FAM193A: variants seen among roughly 807,000 people sequenced by gnomAD.
The protein encoded by FAM193A is protein FAM193A.
Under a neutral mutation model 126.5 loss-of-function variants are expected in FAM193A, and 22 were observed. That is an observed-to-expected ratio of 0.17 (90% CI 0.12 to 0.25). The LOEUF (loss-of-function observed/expected upper bound fraction) is 0.25, where lower values mean the gene tolerates loss of function less well. Among genes scored for constraint, FAM193A ranks in the 10% least tolerant of loss-of-function variants. The pLI is 1.00. For synonymous variants in FAM193A, 761 were observed against 646.8 expected (o/e 1.18, Z -2.68); for missense variants, 1,675 against 1,672.8 (o/e 1.00, Z -0.02).
intron 12 of FAM193A, among the ~76,000 whole-genome samples, chr4:2,668,838 TTC>T (rs1262337186): frequency 6.6e-6 from 1 of 151,892 alleles, no homozygotes; most frequent in East Asian, 1.9e-4. Context: ...TCCTTTTCTT[TTC>T]CTTTTTCTTT....
At position 2,676,479 on chromosome 4, in the gene FAM193A, C is replaced by G. The variant is rs764582734; in HGVS notation, c.2331+4107C>G. 7.2e-5 allele frequency among the ~76,000 whole-genome samples: 11 copies of G among 152,202 alleles called. 1 individual carries two copies. The South Asian group carries it at 2.3e-3, about 32-fold the overall frequency. ...TCGTATATCTTCTTTGGAGAAACAT[C>G]TATTCAAGTCCTTTGCTCGTTTTTG... is the stretch of plus-strand genomic sequence containing the variant. On this transcript the variant is annotated intron_variant, in intron 13 of 20. Transcript: ENST00000637812.
chr4:2,595,014 A>T, intron 1 of FAM193A, among the ~76,000 whole-genome samples: 1 of 149,790 alleles, frequency 6.7e-6, no homozygotes. Flanking sequence ...TTTTAATAGA[A>T]ACAGGGTTTC....
intron 19 of FAM193A, among the ~76,000 whole-genome samples, chr4:2,714,708 T>C (rs576282231): frequency 5.9e-5 from 9 of 152,190 alleles, no homozygotes; most frequent in Non-Finnish European, 5.9e-5. Context: ...GCTGCTATTA[T>C]GCGAGTAAAA....
rs761482585 is a variant in FAM193A at position 2,639,707 on chromosome 4, T to A, written c.1039-28T>A. 6 of 1,596,966 alleles carry A rather than the reference T, an allele frequency of 3.8e-6. No individual in the cohort carries two copies. The East Asian group carries it at 1.1e-4, about 30-fold the overall frequency. On this transcript the variant is annotated intron_variant, in intron 5 of 20. Coordinates refer to ENST00000637812, the MANE Select transcript of FAM193A (RefSeq NM_001366318.2). ...GTCTTTAGCAATTCACTACATCTTC[T>A]GTTTATCTTTTACTTTTTCTTAACC... is the stretch of plus-strand genomic sequence containing the variant.
intron 1 of FAM193A, among the ~76,000 whole-genome samples, chr4:2,581,250 T>C (rs1739915474): frequency 7.0e-6 from 1 of 143,388 alleles, no homozygotes; most frequent in Admixed American, 6.9e-5. Context: ...ATATTTTCTT[T>C]CTTTCTTTTT....
chr4:2,610,419 G>A (rs1346652457), intron 2 of FAM193A, among the ~76,000 whole-genome samples: 2 of 152,124 alleles, frequency 1.3e-5, no homozygotes, highest in South Asian at 2.1e-4. Context: ...TATTAGAAAC[G>A]TACAGATTTC....
At chr4:2,618,968 G>A (rs983876623) in intron 2 of FAM193A, among the ~76,000 whole-genome samples, 6 of 152,148 alleles carry the variant, frequency 3.9e-5, no homozygotes, top group Non-Finnish European at 7.3e-5. Flanking sequence ...CTGACCTCAG[G>A]TGATCCACCT....
At chr4:2,535,554 C>A (rs545251239), upstream of FAM193A, among the ~76,000 whole-genome samples, 1 of 152,340 alleles carries the variant, frequency 6.6e-6, no homozygotes, top group Admixed American at 6.5e-5. Context: ...CTCCAGGGGG[C>A]GGAGCCGCCG....
At chr4:2,603,760 A>G (rs1482720225) in intron 2 of FAM193A, among the ~76,000 whole-genome samples, 1 of 151,442 alleles carries the variant, frequency 6.6e-6, no homozygotes, top group Non-Finnish European at 1.5e-5. Context: ...AATTTTCATT[A>G]TTTTCTAGTT....
At chr4:2,551,351 AG>A (rs1737906466) in intron 1 of FAM193A, among the ~76,000 whole-genome samples, 1 of 152,372 alleles carries the variant, frequency 6.6e-6, no homozygotes, top group African/African-American at 2.4e-5. Flanking sequence ...GAAATGTTCC[AG>A]TGAATTTTTC....
intron 13 of FAM193A, among the ~76,000 whole-genome samples, chr4:2,678,477 C>A (rs1039480549): frequency 3.9e-5 from 6 of 151,914 alleles, no homozygotes; most frequent in African/African-American, 1.5e-4. Context: ...ATACTCCTGC[C>A]TCAGCCTCCT....
intron 1 of FAM193A, among the ~76,000 whole-genome samples, chr4:2,542,424 G>A (rs1043850968): frequency 1.3e-5 from 2 of 152,312 alleles, no homozygotes; most frequent in Admixed American, 6.5e-5. Context: ...AATTACAGGC[G>A]TGAGCCACTG....
chr4:2,614,578 C>A (rs1742074159), intron 2 of FAM193A, among the ~76,000 whole-genome samples: 1 of 152,160 alleles, frequency 6.6e-6, no homozygotes, highest in Non-Finnish European at 1.5e-5. Flanking sequence ...TTTCTTGTCT[C>A]ACATCTTTGT....
At position 2,690,837 on chromosome 4, in the gene FAM193A, A is replaced by G. The variant is rs759255855; in HGVS notation, c.2670A>G (p.Gln890=). 94 of 1,614,124 alleles carry G rather than the reference A, an allele frequency of 5.8e-5. No individual in the cohort carries two copies. Among genetic ancestry groups the G allele is most frequent in the Middle Eastern group, 1.6e-4 (1 of 6,084 alleles). The change falls in exon 15 of 21, where the codon CAA becomes CAG. Residue 890 remains glutamine (Q), a synonymous_variant. Coordinates refer to ENST00000637812, the MANE Select transcript of FAM193A (RefSeq NM_001366318.2). The stretch of plus-strand genomic sequence containing the variant: ...AAAAGAAATGTTTATACAATTTCCA[A>G]GATGCTTTCATGGAAGCAAATAAAG... The part of the protein sequence containing the change: ...AAKKKCLYNF[Q]DAFMEANKVV...
In FAM193A at chr4:2,731,961, G is replaced by T. The variant is rs1475705024; in HGVS notation, c.*93G>T. 2.1e-6 allele frequency: 2 copies of T among 973,224 alleles called. No individual in the cohort carries two copies. The highest frequency in any genetic ancestry group is 4.8e-5 in the East Asian group (2 of 42,032). 60.3% of individuals were successfully genotyped at this position (973,224 alleles called of 1,614,324 possible). The stretch of plus-strand genomic sequence containing the variant: ...CTCGCTGGCGCCCCAGAGCCGTGGT[G>T]CTTGCCAAGGGCTGTGCGGAGCTGG... On this transcript the variant is annotated 3_prime_UTR_variant, in exon 21 of 21. Coordinates refer to ENST00000637812, the MANE Select transcript of FAM193A (RefSeq NM_001366318.2).
At chr4:2,685,060 T>G (rs2109236194) in intron 13 of FAM193A, among the ~76,000 whole-genome samples, 1 of 152,324 alleles carries the variant, frequency 6.6e-6, no homozygotes, top group East Asian at 1.9e-4. Context: ...ACACGGAGGA[T>G]GTACTGTGAA....
intron 1 of FAM193A, among the ~76,000 whole-genome samples, chr4:2,542,817 G>C (rs150969276): frequency 6.6e-6 from 1 of 152,254 alleles, no homozygotes; most frequent in Admixed American, 6.5e-5. Flanking sequence ...TTCAGGAGTG[G>C]TCACAGTCCC....
chr4:2,730,727 T>A (rs1226350018), intron 20 of FAM193A, among the ~76,000 whole-genome samples: 2 of 147,442 alleles, frequency 1.4e-5, no homozygotes, highest in East Asian at 4.0e-4. Flanking sequence ...GGGAAGAAGC[T>A]ACAAAAAATA....
At chr4:2,724,269 T>C (rs1170093477) in intron 20 of FAM193A, among the ~76,000 whole-genome samples, 1 of 152,146 alleles carries the variant, frequency 6.6e-6, no homozygotes, top group Non-Finnish European at 1.5e-5. Flanking sequence ...TTCCCAACTT[T>C]CTATATTCAT....
Sources: gnomAD v4.1 joint callset for allele counts (sites outside exome capture counted in the v4.1 genomes callset) on GRCh38, gnomAD v4.1.1 for gene constraint, MANE v1.5 for transcripts, NCBI Gene and HGNC (gene_info 2026-07-23, HGNC 2026-07-21) for gene names.